Variants in NHERF1 observed in about 807,000 individuals in gnomAD.
The protein encoded by NHERF1 is NHERF family PDZ scaffold protein 1.
the NHERF1 span, chr17:74,762,316 G>A: frequency 2.0e-6 from 1 of 493,106 alleles, no homozygotes; most frequent in Non-Finnish European, 4.0e-6. The surrounding 1 kb of genome is among the most constrained non-coding windows in gnomAD (Gnocchi z 4.2). Context: ...GGGTGGATGG[G>A]AGGGAGGGAG....
chr17:74,758,605 G>A, the NHERF1 span, among the ~76,000 whole-genome samples: 11 of 152,086 alleles, frequency 7.2e-5, no homozygotes, highest in African/African-American at 4.8e-5. The surrounding 1 kb of genome is among the most constrained non-coding windows in gnomAD (Gnocchi z 4.3). Flanking sequence ...TTTGCCCTCC[G>A]GAACTCACTG....
chr17:74,763,603 C>T, the NHERF1 span: 4 of 1,430,038 alleles, frequency 2.8e-6, no homozygotes, highest in South Asian at 3.7e-5. Flanking sequence ...ACTGCTGGGT[C>T]CCAGGCGAGG....
At chr17:74,768,668 C>G in the NHERF1 span, 26 of 1,611,510 alleles carry the variant, frequency 1.6e-5, no homozygotes, top group Non-Finnish European at 2.1e-5. Context: ...CGCCCTGCTG[C>G]CACCCAGTGA....
At chr17:74,762,951 TCA>T in the NHERF1 span, 1 of 164,792 alleles carries the variant, frequency 6.1e-6, no homozygotes, top group African/African-American at 2.4e-5. This position sits in a 1 kb window ranked among gnomAD's most constrained non-coding sequence, Gnocchi z 4.2. Flanking sequence ...GGTCCCAGAA[TCA>T]CAGTCTTAGA....
At chr17:74,762,838 G>A in the NHERF1 span, among the ~76,000 whole-genome samples, 77 of 152,304 alleles carry the variant, frequency 5.1e-4, no homozygotes, top group African/African-American at 1.8e-3. This position sits in a 1 kb window ranked among gnomAD's most constrained non-coding sequence, Gnocchi z 4.2. Flanking sequence ...GATTCCAGGC[G>A]TGAGCCACCT....
chr17:74,764,991 T>C, the NHERF1 span, among the ~76,000 whole-genome samples: 1 of 152,102 alleles, frequency 6.6e-6, no homozygotes, highest in African/African-American at 2.4e-5. This position sits in a 1 kb window ranked among gnomAD's most constrained non-coding sequence, Gnocchi z 4.9. Context: ...AGGGAAAAGA[T>C]AACCAGGAAT....
chr17:74,749,110 G>A, the NHERF1 span: 2 of 1,579,476 alleles, frequency 1.3e-6, no homozygotes, highest in Admixed American at 3.7e-5. This position sits in a 1 kb window ranked among gnomAD's most constrained non-coding sequence, Gnocchi z 5.6. Context: ...CCGTGCGCCT[G>A]CTGGTGGTCG....
chr17:74,754,120 C>T, the NHERF1 span, among the ~76,000 whole-genome samples: 4 of 151,772 alleles, frequency 2.6e-5, no homozygotes, highest in African/African-American at 9.7e-5. Flanking sequence ...GCCGAGATCG[C>T]GCCACTGCAC....
At chr17:74,764,353 G>C in the NHERF1 span, among the ~76,000 whole-genome samples, 8 of 152,320 alleles carry the variant, frequency 5.3e-5, no homozygotes, top group African/African-American at 1.9e-4. The surrounding 1 kb of genome is among the most constrained non-coding windows in gnomAD (Gnocchi z 4.9). Flanking sequence ...GGGAGGCCCT[G>C]TCCCCTTCTG....
At chr17:74,767,965 C>T in the NHERF1 span, 1 of 705,152 alleles carries the variant, frequency 1.4e-6, no homozygotes, top group African/African-American at 1.7e-5. Context: ...GCCCTCTGAT[C>T]CCCAAAGGAA....
chr17:74,750,889 G>A, the NHERF1 span, among the ~76,000 whole-genome samples: 3 of 151,802 alleles, frequency 2.0e-5, no homozygotes, highest in African/African-American at 4.8e-5. Context: ...GCACACGTGC[G>A]CAAAGGCAGC....
chr17:74,769,010 G>A, the NHERF1 span: 1 of 297,082 alleles, frequency 3.4e-6, no homozygotes, highest in Non-Finnish European at 6.4e-6. Flanking sequence ...GTGATAAATG[G>A]GTCCAGGGCT....
chr17:74,759,056 T>A, the NHERF1 span, among the ~76,000 whole-genome samples: 1 of 152,178 alleles, frequency 6.6e-6, no homozygotes, highest in Non-Finnish European at 1.5e-5. Context: ...TGGTCTCCCT[T>A]GAAGAGTGGG....
the NHERF1 span, among the ~76,000 whole-genome samples, chr17:74,767,814 C>T: frequency 3.9e-5 from 6 of 152,268 alleles, no homozygotes; most frequent in African/African-American, 1.4e-4. Context: ...TCCAAGAAGC[C>T]CCTCCCTGGT....
chr17:74,759,610 T>C, the NHERF1 span, among the ~76,000 whole-genome samples: 1 of 152,228 alleles, frequency 6.6e-6, no homozygotes, highest in Non-Finnish European at 1.5e-5. Flanking sequence ...CGAGAGGCCC[T>C]GAGCGCCCGG....
the NHERF1 span, among the ~76,000 whole-genome samples, chr17:74,758,064 T>A: frequency 2.0e-5 from 3 of 151,978 alleles, no homozygotes; most frequent in African/African-American, 4.8e-5. This position sits in a 1 kb window ranked among gnomAD's most constrained non-coding sequence, Gnocchi z 4.3. Flanking sequence ...CTGGGCCCAA[T>A]GGGGCGTTGG....
the NHERF1 span, among the ~76,000 whole-genome samples, chr17:74,756,273 C>CTTTTTTTTTTTTTTTT: frequency 1.1e-4 from 8 of 71,992 alleles, no homozygotes; most frequent in Non-Finnish European, 1.5e-4. Context: ...TTCTTTCTTT[C>CTTTTTTTTTTTTTTTT]TTTTTTTTTT....
the NHERF1 span, chr17:74,768,187 G>A: frequency 4.5e-5 from 72 of 1,613,646 alleles, no homozygotes; most frequent in Admixed American, 8.3e-5. Context: ...GCCTTGGAGA[G>A]CCCCAGGCCA....
chr17:74,764,169 C>T, the NHERF1 span, among the ~76,000 whole-genome samples: 1 of 152,240 alleles, frequency 6.6e-6, no homozygotes, highest in Non-Finnish European at 1.5e-5. The surrounding 1 kb of genome is among the most constrained non-coding windows in gnomAD (Gnocchi z 4.9). Flanking sequence ...GGACTTTCTC[C>T]CTGGGAAGAT....
Sources: gnomAD v4.1 joint callset for allele counts (sites outside exome capture counted in the v4.1 genomes callset) on GRCh38, gnomAD v4.1.1 for gene constraint, Gnocchi (gnomAD v3.1) non-coding constraint, MANE v1.5 for transcripts, NCBI Gene and HGNC (gene_info 2026-07-23, HGNC 2026-07-21) for gene names.